SPOCK1: variants seen among roughly 807,000 people sequenced by gnomAD.
The protein encoded by SPOCK1 is testican-1.
SPOCK1 carries 23 observed loss-of-function variants against 55.3 expected under a neutral mutation model. The observed-to-expected ratio is 0.42, with a 90% CI of 0.30 to 0.59. The LOEUF (loss-of-function observed/expected upper bound fraction) is 0.59, where lower values mean the gene tolerates loss of function less well. SPOCK1 is among the 20% of genes least tolerant of loss of function. SPOCK1 has a pLI of 0.22. For synonymous variants in SPOCK1, 226 were observed against 221.0 expected (o/e 1.02, Z -0.20); for missense variants, 499 against 552.5 (o/e 0.90, Z 0.97).
intron 3 of SPOCK1, among the ~76,000 whole-genome samples, chr5:137,178,500 AAGG>A (rs1754902903): frequency 6.6e-6 from 1 of 152,210 alleles, no homozygotes; most frequent in African/African-American, 2.4e-5. Context: ...CCTTGCTTTT[AAGG>A]AGACCGAGGC....
chr5:137,123,672 T>C (rs1753725846), intron 4 of SPOCK1, among the ~76,000 whole-genome samples: 1 of 152,004 alleles, frequency 6.6e-6, no homozygotes, highest in Admixed American at 6.5e-5. Context: ...AAACATGACA[T>C]AAGAGCTGTC....
At chr5:136,992,638 G>C (rs1302570144) in intron 6 of SPOCK1, 38 bp from the exon 7 acceptor site, 1 of 1,542,250 alleles carries the variant, frequency 6.5e-7, no homozygotes, top group South Asian at 1.2e-5. Flanking sequence ...TGGGGCTGGG[G>C]GCTTTCTGCC....
At chr5:137,199,845 C>T (rs577287672) in intron 3 of SPOCK1, among the ~76,000 whole-genome samples, 166 of 152,300 alleles carry the variant, frequency 1.1e-3, no homozygotes, top group Non-Finnish European at 1.6e-3. Flanking sequence ...CTAGACTCAA[C>T]CATCAACACA....
intron 2 of SPOCK1, among the ~76,000 whole-genome samples, chr5:137,391,153 C>A (rs549935181): frequency 6.6e-6 from 1 of 152,100 alleles, no homozygotes; most frequent in Non-Finnish European, 1.5e-5. Flanking sequence ...CACGCAGTGT[C>A]TGGTGTTTTG....
At chr5:137,162,013 C>A (rs1420060386) in intron 3 of SPOCK1, among the ~76,000 whole-genome samples, 1 of 152,076 alleles carries the variant, frequency 6.6e-6, no homozygotes, top group Admixed American at 6.6e-5. Flanking sequence ...AGCTTTATAT[C>A]TTTACTTTCA....
intron 3 of SPOCK1, among the ~76,000 whole-genome samples, chr5:137,234,063 C>A (rs187827142): frequency 1.5e-3 from 235 of 152,236 alleles, no homozygotes; most frequent in African/African-American, 5.4e-3. Flanking sequence ...AGAAGACATC[C>A]TGAGTGCCCT....
intron 3 of SPOCK1, among the ~76,000 whole-genome samples, chr5:137,191,169 G>A (rs1021920193): frequency 1.3e-5 from 2 of 152,162 alleles, no homozygotes; most frequent in African/African-American, 4.8e-5. Context: ...TCTTGGCTGG[G>A]ATCTTGAGCA....
intron 3 of SPOCK1, among the ~76,000 whole-genome samples, chr5:137,176,086 A>G (rs1409013451): frequency 6.6e-6 from 1 of 152,192 alleles, no homozygotes; most frequent in Non-Finnish European, 1.5e-5. Flanking sequence ...CTTTTACTTT[A>G]TCTTCCTAAT....
At position 136,998,624 on chromosome 5, in the gene SPOCK1, G is replaced by C. The variant is rs922472420; in HGVS notation, c.590-6024C>G. 3.9e-5 allele frequency among the ~76,000 whole-genome samples: 6 copies of C among 152,330 alleles called. No homozygotes were observed. In the South Asian group the frequency reaches 1.2e-3, roughly 32 times the overall value. ...AAATCAAAATATCAGGCCTTGCCTT[G>C]CGTAGGAAACTCTGCCAATGATGCA... On this transcript the variant is annotated intron_variant, in intron 6 of 10. Transcript: ENST00000394945.
At chr5:137,300,212 T>C (rs563144051) in intron 2 of SPOCK1, among the ~76,000 whole-genome samples, 7 of 152,326 alleles carry the variant, frequency 4.6e-5, no homozygotes, top group South Asian at 2.1e-4. Flanking sequence ...TCATTTCAGA[T>C]AGAATTTTCA....
intron 2 of SPOCK1, among the ~76,000 whole-genome samples, chr5:137,417,686 C>T (rs929844451): frequency 6.6e-6 from 1 of 152,122 alleles, no homozygotes; most frequent in African/African-American, 2.4e-5. Context: ...ACATCTATTA[C>T]CAATAGTTTG....
At chr5:137,431,984 C>A (rs1401693344) in intron 2 of SPOCK1, among the ~76,000 whole-genome samples, 1 of 152,080 alleles carries the variant, frequency 6.6e-6, no homozygotes, top group African/African-American at 2.4e-5. Flanking sequence ...TAAACTGCAG[C>A]CAATAAGCAC....
Position 137,325,208 on chromosome 5 carries a change from T to C in SPOCK1, c.187-58153A>G, listed in dbSNP as rs185875192. Among the ~76,000 whole-genome samples the C allele has an allele frequency of 2.5e-3, 386 of 152,288 alleles. 1 individual carries two copies. The highest frequency in any genetic ancestry group is 8.5e-3 in the African/African-American group (355 of 41,556). ...AAATAGTGAAAATAAAAGTTTTTGA[T>C]TGAAAAAACTATTTACCAATCAGCT... On this transcript the variant is annotated intron_variant, in intron 2 of 10. Coordinates refer to ENST00000394945, the MANE Select transcript of SPOCK1 (RefSeq NM_004598.4).
chr5:137,297,050 T>C (rs1757503109), intron 2 of SPOCK1, among the ~76,000 whole-genome samples: 2 of 152,218 alleles, frequency 1.3e-5, no homozygotes, highest in Middle Eastern at 3.2e-3. Flanking sequence ...AATAGATACA[T>C]ATGTGTATAT....
chr5:137,062,117 G>A (rs548074324), intron 6 of SPOCK1, among the ~76,000 whole-genome samples: 1 of 152,278 alleles, frequency 6.6e-6, no homozygotes, highest in African/African-American at 2.4e-5. Context: ...TAATCTAAGT[G>A]GTAACGTGTA....
At chr5:137,302,422 A>AT (rs1757614431) in intron 2 of SPOCK1, among the ~76,000 whole-genome samples, 1 of 150,102 alleles carries the variant, frequency 6.7e-6, no homozygotes, top group Non-Finnish European at 1.5e-5. Context: ...ACAAAAAAAA[A>AT]AAAAATTAGC....
chr5:137,240,273 C>T (rs988175422), intron 3 of SPOCK1, among the ~76,000 whole-genome samples: 1 of 152,184 alleles, frequency 6.6e-6, no homozygotes, highest in African/African-American at 2.4e-5. Flanking sequence ...AGATTGGATT[C>T]TCTCAAGGTT....
chr5:137,148,989 C>T (rs1021870097), intron 3 of SPOCK1, among the ~76,000 whole-genome samples: 1 of 151,980 alleles, frequency 6.6e-6, no homozygotes, highest in Non-Finnish European at 1.5e-5. Flanking sequence ...AAAAGACTTC[C>T]TGTGAAAAAA....
chr5:137,311,946 A>C (rs1157698486), intron 2 of SPOCK1, among the ~76,000 whole-genome samples: 1 of 152,186 alleles, frequency 6.6e-6, no homozygotes. Context: ...CTGTGCCCTA[A>C]TTTACTTAGC....
Sources: gnomAD v4.1 joint callset for allele counts (sites outside exome capture counted in the v4.1 genomes callset) on GRCh38, gnomAD v4.1.1 for gene constraint, MANE v1.5 for transcripts, NCBI Gene and HGNC (gene_info 2026-07-23, HGNC 2026-07-21) for gene names.